Variants in BIN1 observed in about 807,000 individuals in gnomAD.
BIN1 encodes bridging integrator 1, also known as myc box-dependent-interacting protein 1.
In BIN1, 53 loss-of-function variants were observed where a neutral mutation model predicts 82.0. The ratio of observed to expected loss-of-function variants is 0.65; its 90% confidence interval spans 0.52 to 0.81. The LOEUF (loss-of-function observed/expected upper bound fraction) is 0.81, where lower values mean the gene tolerates loss of function less well. BIN1 is among the 40% of genes least tolerant of loss of function. The pLI is 0.00. For synonymous variants in BIN1, 302 were observed against 328.0 expected (o/e 0.92, Z 0.86); for missense variants, 642 against 784.4 (o/e 0.82, Z 2.17).
chr2:127,083,944 G>A lies in BIN1; in HGVS notation c.85-7238C>T, dbSNP rs368356789. Among the ~76,000 whole-genome samples the A allele has an allele frequency of 1.4e-4, 21 of 152,324 alleles. No individual in the cohort carries two copies. In the East Asian group the frequency reaches 2.7e-3, roughly 20 times the overall value. ...CACAGCTGTGTTAGGCTTGACCGCC[G>A]GGTCTGAGTCGTGTTTGCCAGATCT... On this transcript the variant is annotated intron_variant, in intron 1 of 18. Transcript: ENST00000316724.
intron 1 of BIN1, among the ~76,000 whole-genome samples, chr2:127,088,894 G>A (rs1354152182): frequency 6.6e-6 from 1 of 152,110 alleles, no homozygotes; most frequent in Non-Finnish European, 1.5e-5. Context: ...AGAACTCACT[G>A]GACAGAGAAC....
At chr2:127,097,087 G>T (rs182073668) in intron 1 of BIN1, among the ~76,000 whole-genome samples, 4 of 152,314 alleles carry the variant, frequency 2.6e-5, no homozygotes, top group Non-Finnish European at 1.5e-5. Context: ...GGTCTGTCCT[G>T]GAGCCAGGGG....
chr2:127,062,323 T>C (rs968873362), intron 9 of BIN1, 126 bp from the exon 10 acceptor site: 5 of 954,344 alleles, frequency 5.2e-6, no homozygotes, highest in Non-Finnish European at 8.0e-6. Context: ...TCTTTCCCCA[T>C]CTGTGAGAGC....
At position 127,068,016 on chromosome 2, in the gene BIN1, C is replaced by A; in HGVS notation, c.612+147G>T. On this transcript the variant is annotated intron_variant, in intron 7 of 18. Transcript: ENST00000316724. The surrounding 1 kb of genome is among the most constrained non-coding windows in gnomAD (Gnocchi z 4.9). ...CCCTACATTTGACTTCAGGTCTCCTCTGAAGCAGAGCTCTCCCAGCAGAGG... is the reference window on the plus strand; with the variant it reads ...CCCTACATTTGACTTCAGGTCTCCTATGAAGCAGAGCTCTCCCAGCAGAGG... 1.2e-6 allele frequency: 1 copy of A among 842,960 alleles called. No homozygotes were observed. The highest frequency in any genetic ancestry group is 1.9e-6 in the Non-Finnish European group (1 of 515,444). 52.2% of individuals were successfully genotyped at this position (842,960 alleles called of 1,614,324 possible).
At chr2:127,062,278 C>T in intron 9 of BIN1, 81 bp from the exon 10 acceptor site, 1 of 1,311,392 alleles carries the variant, frequency 7.6e-7, no homozygotes, top group Admixed American at 2.0e-5. Flanking sequence ...TCTGCTTCTC[C>T]CCACCACCCC....
Position 127,073,032 on chromosome 2 carries a change from C to T in BIN1, c.166-2216G>A, listed in dbSNP as rs3754606. On this transcript the variant is annotated intron_variant, in intron 2 of 18. Coordinates refer to ENST00000316724, the MANE Select transcript of BIN1 (RefSeq NM_139343.3). ...TCTCACGCCGTCCCCACCTCCCCCC[C>T]ACAGCAGGGGTCCCCATGGGGTGGG... is the stretch of plus-strand genomic sequence containing the variant. Among the ~76,000 whole-genome samples the T allele has an allele frequency of 4.3e-3, 657 of 152,364 alleles. 9 individuals carry two copies. The highest frequency in any genetic ancestry group is 9.1e-3 in the East Asian group (47 of 5,184).
Position 127,070,583 on chromosome 2 carries a change from G to A in BIN1, c.285C>T (p.Pro95=), listed in dbSNP as rs377467117. ...CLQEVYEPDW[P]GRDEANKIAE... is the part of the protein sequence containing the mutation. ...CGATCTTGTTTGCCTCATCCCTGCCGGGCCAATCGGGCTCATACACCTCCT... is the reference window on the plus strand; with the variant it reads ...CGATCTTGTTTGCCTCATCCCTGCCAGGCCAATCGGGCTCATACACCTCCT... Residue 95 remains proline, a synonymous_variant, in exon 4 of 19, where the codon CCC becomes CCT. Transcript: ENST00000316724. 6.5e-5 allele frequency: 105 copies of A among 1,613,928 alleles called. No homozygotes were observed. The South Asian group carries it at 7.8e-4, about 12-fold the overall frequency.
At chr2:127,062,629 C>T (rs1033600951) in intron 9 of BIN1, among the ~76,000 whole-genome samples, 3 of 152,212 alleles carry the variant, frequency 2.0e-5, no homozygotes, top group Admixed American at 2.0e-4. Flanking sequence ...ATTCCTCACA[C>T]ACGGTGATTC....
chr2:127,096,581 T>C (rs1374160498), intron 1 of BIN1, among the ~76,000 whole-genome samples: 1 of 152,172 alleles, frequency 6.6e-6, no homozygotes, highest in African/African-American at 2.4e-5. Flanking sequence ...CTTTCTCTCA[T>C]TCGGTGTCTC....
chr2:127,074,214 G>GC (rs975152325), intron 2 of BIN1, among the ~76,000 whole-genome samples: 13 of 151,932 alleles, frequency 8.6e-5, no homozygotes, highest in Non-Finnish European at 1.6e-4. Flanking sequence ...GGGCCCCCAA[G>GC]CCCACTGCAG....
chr2:127,103,696 C>T (rs550119565), intron 1 of BIN1, among the ~76,000 whole-genome samples: 1 of 152,338 alleles, frequency 6.6e-6, no homozygotes, highest in South Asian at 2.1e-4. Flanking sequence ...TGTCCTTCTC[C>T]CCAGGCGCCC....
Position 127,054,222 on chromosome 2 carries a change from A to T in BIN1, c.1132-210T>A, listed in dbSNP as rs962810392. 2.0e-5 allele frequency: 12 copies of T among 607,578 alleles called. No individual in the cohort carries two copies. In the African/African-American group the frequency reaches 2.0e-4, roughly 10 times the overall value. 37.6% of individuals were successfully genotyped at this position (607,578 alleles called of 1,614,324 possible). On this transcript the variant is annotated intron_variant, in intron 12 of 18. Transcript: ENST00000316724. The stretch of plus-strand genomic sequence containing the variant: ...CCTCACACACGGGAGCACTGCCCAA[A>T]GCCACGCGCCCCGGCACAGGCTCCC...
intron 1 of BIN1, among the ~76,000 whole-genome samples, chr2:127,094,484 G>C (rs1452695164): frequency 6.6e-6 from 1 of 152,176 alleles, no homozygotes; most frequent in African/African-American, 2.4e-5. Context: ...GGGAGAGCAG[G>C]AGCAGGAACC....
At chr2:127,098,559 C>T (rs2105323577) in intron 1 of BIN1, among the ~76,000 whole-genome samples, 1 of 152,308 alleles carries the variant, frequency 6.6e-6, no homozygotes, top group East Asian at 1.9e-4. Context: ...ACCCCACCCC[C>T]ACGCCCCATG....
At position 127,106,738 on chromosome 2, in the gene BIN1, AG is replaced by A. The variant is rs959148703; in HGVS notation, c.84+121del. 7.1e-6 allele frequency: 9 copies of A among 1,260,068 alleles called. No homozygotes were observed. In the African/African-American group the frequency reaches 1.4e-4, roughly 19 times the overall value. 78.1% of individuals were successfully genotyped at this position (1,260,068 alleles called of 1,614,324 possible). ...CGAAGCCCCTCGAAAGCGCTCCTCTAGAGGTGACAGCACCAGATCCTGGCGA... is the reference window on the plus strand; with the variant it reads ...CGAAGCCCCTCGAAAGCGCTCCTCTAAGGTGACAGCACCAGATCCTGGCGA... On this transcript the variant is annotated intron_variant, in intron 1 of 18. Transcript: ENST00000316724.
At chr2:127,058,263 A>C (rs974219537) in intron 11 of BIN1, among the ~76,000 whole-genome samples, 6 of 152,320 alleles carry the variant, frequency 3.9e-5, no homozygotes, top group Admixed American at 3.9e-4. Context: ...TCAGTGAACG[A>C]ATACACAGAA....
intron 1 of BIN1, among the ~76,000 whole-genome samples, chr2:127,102,423 A>G (rs1680469739): frequency 6.6e-6 from 1 of 152,158 alleles, no homozygotes; most frequent in South Asian, 2.1e-4. Context: ...GGCCTTCACA[A>G]CTTCATGAAA....
At chr2:127,084,770 G>A (rs188790400) in intron 1 of BIN1, among the ~76,000 whole-genome samples, 1 of 152,214 alleles carries the variant, frequency 6.6e-6, no homozygotes, top group Non-Finnish European at 1.5e-5. Context: ...AGTGAGAAAG[G>A]AGACAGACCC....
Position 127,106,846 on chromosome 2 carries a change from T to G in BIN1, c.84+14A>C. On this transcript the variant is annotated intron_variant, in intron 1 of 18. Transcript: ENST00000316724. Reference sequence around the variant, plus strand: ...GCTGGGACTCCGCGGCTGCTGGGGCTCCGGCTCGCTCACCTTCTCCTGCGC... The same window carrying G: ...GCTGGGACTCCGCGGCTGCTGGGGCGCCGGCTCGCTCACCTTCTCCTGCGC... 1.3e-6 allele frequency: 2 copies of G among 1,591,686 alleles called. No homozygotes were observed. The highest frequency in any genetic ancestry group is 1.7e-6 in the Non-Finnish European group (2 of 1,171,228).
Sources: gnomAD v4.1 joint callset for allele counts (sites outside exome capture counted in the v4.1 genomes callset) on GRCh38, gnomAD v4.1.1 for gene constraint, Gnocchi (gnomAD v3.1) non-coding constraint, MANE v1.5 for transcripts, NCBI Gene and HGNC (gene_info 2026-07-23, HGNC 2026-07-21) for gene names.